Variants in PRR23E observed in about 807,000 individuals in gnomAD.
PRR23E encodes the protein PRR23 family member E.
At chr3:127,196,884 T>G in the PRR23E span, 1 of 1,599,348 alleles carries the variant, frequency 6.3e-7, no homozygotes, top group Non-Finnish European at 8.5e-7. Context: ...CTGCATGGGA[T>G]TTTCCCCACA....
the PRR23E span, among the ~76,000 whole-genome samples, chr3:127,193,546 T>G: frequency 6.6e-6 from 1 of 152,070 alleles, no homozygotes. Context: ...AGGACCCTCC[T>G]GCCTGCCCCC....
At chr3:127,193,321 G>A in the PRR23E span, 12 of 152,290 alleles carry the variant, frequency 7.9e-5, no homozygotes, top group African/African-American at 1.7e-4. Context: ...GATGGCTGAG[G>A]GGGTGGGGCG....
At chr3:127,197,584 CTT>C in the PRR23E span, 1 of 343,970 alleles carries the variant, frequency 2.9e-6, no homozygotes, top group Non-Finnish European at 4.3e-6. Flanking sequence ...TGCTATTTCT[CTT>C]TACTTTGTTT....
chr3:127,193,444 G>C, the PRR23E span, among the ~76,000 whole-genome samples: 2 of 151,954 alleles, frequency 1.3e-5, no homozygotes, highest in Non-Finnish European at 2.9e-5. Flanking sequence ...AGTTCAGCAG[G>C]CCTGAAAGTG....
chr3:127,196,585 C>T, the PRR23E span: 6 of 1,447,012 alleles, frequency 4.1e-6, no homozygotes, highest in Admixed American at 7.7e-5. Context: ...TCTGCTCACC[C>T]CACAGATACC....
the PRR23E span, among the ~76,000 whole-genome samples, chr3:127,196,195 G>T: frequency 6.6e-6 from 1 of 152,114 alleles, no homozygotes; most frequent in Admixed American, 6.5e-5. Context: ...CCTGCACTGG[G>T]GTGGCCCCTG....
chr3:127,193,714 T>G, the PRR23E span, among the ~76,000 whole-genome samples: 1 of 152,248 alleles, frequency 6.6e-6, no homozygotes, highest in Admixed American at 6.5e-5. Context: ...TTGAATTTGA[T>G]AGCTGTTTAC....
the PRR23E span, among the ~76,000 whole-genome samples, chr3:127,194,157 A>G: frequency 6.6e-6 from 1 of 152,100 alleles, no homozygotes; most frequent in Admixed American, 6.5e-5. Context: ...TTGTCTTGGT[A>G]TCATGCACAA....
the PRR23E span, among the ~76,000 whole-genome samples, chr3:127,194,202 C>A: frequency 6.6e-6 from 1 of 152,112 alleles, no homozygotes; most frequent in Non-Finnish European, 1.5e-5. Flanking sequence ...TTTTGAGAAG[C>A]CAACTAGGCA....
chr3:127,193,541 C>T, the PRR23E span, among the ~76,000 whole-genome samples: 7 of 152,108 alleles, frequency 4.6e-5, no homozygotes, highest in Non-Finnish European at 1.0e-4. Context: ...AGCCCAGGAC[C>T]CTCCTGCCTG....
At chr3:127,196,771 C>A in the PRR23E span, 5 of 1,596,674 alleles carry the variant, frequency 3.1e-6, no homozygotes, top group Non-Finnish European at 4.2e-6. Flanking sequence ...GGGACTCTGG[C>A]AGCCTCAACC....
chr3:127,197,280 C>A, the PRR23E span: 1 of 1,599,442 alleles, frequency 6.3e-7, no homozygotes, highest in African/African-American at 1.3e-5. Flanking sequence ...TATTTGGGCA[C>A]CTTTGCCCTG....
the PRR23E span, among the ~76,000 whole-genome samples, chr3:127,195,319 C>T: frequency 2.0e-5 from 3 of 152,126 alleles, no homozygotes; most frequent in Admixed American, 6.5e-5. Flanking sequence ...ATCTGTGGTC[C>T]ACCCTCTGAT....
At chr3:127,196,541 G>A in the PRR23E span, 1 of 1,335,056 alleles carries the variant, frequency 7.5e-7, no homozygotes, top group Non-Finnish European at 9.9e-7. Context: ...ATCCCCTCCT[G>A]TGCGACCTGG....
At chr3:127,197,268 G>T in the PRR23E span, 1 of 1,599,308 alleles carries the variant, frequency 6.3e-7, no homozygotes, top group Non-Finnish European at 8.5e-7. Context: ...CTCCAGGTTC[G>T]GTATTTGGGC....
At chr3:127,197,060 C>A in the PRR23E span, 1 of 1,595,260 alleles carries the variant, frequency 6.3e-7, no homozygotes, top group South Asian at 1.1e-5. Context: ...CCTTGGCCCC[C>A]AACCTATTTC....
the PRR23E span, chr3:127,197,233 G>A: frequency 6.3e-7 from 1 of 1,599,042 alleles, no homozygotes; most frequent in Non-Finnish European, 8.5e-7. Context: ...TTGAAGACAT[G>A]CAAAGCCCCT....
chr3:127,197,053 T>C, the PRR23E span: 3 of 1,594,506 alleles, frequency 1.9e-6, no homozygotes, highest in African/African-American at 2.7e-5. Flanking sequence ...CTGGCTGCCT[T>C]GGCCCCCAAC....
At chr3:127,197,202 C>T in the PRR23E span, 2 of 1,595,224 alleles carry the variant, frequency 1.3e-6, no homozygotes, top group Non-Finnish European at 1.7e-6. Context: ...CGTAGAGGGG[C>T]CATCCAGAGG....
Sources: gnomAD v4.1 joint callset for allele counts (sites outside exome capture counted in the v4.1 genomes callset) on GRCh38, gnomAD v4.1.1 for gene constraint, MANE v1.5 for transcripts, NCBI Gene and HGNC (gene_info 2026-07-23, HGNC 2026-07-21) for gene names.